The following ATAD3A variants were observed in gnomAD, a reference collection of about 807,000 sequenced individuals.
ATAD3A encodes the protein ATPase family AAA domain containing 3A.
In ATAD3A, 46 loss-of-function variants were observed where a neutral mutation model predicts 73.8. The observed-to-expected ratio is 0.62, with a 90% CI of 0.49 to 0.80. ATAD3A has a LOEUF of 0.80. Among genes scored for constraint, ATAD3A ranks in the 30% least tolerant of loss-of-function variants. The pLI is 0.00. For synonymous variants in ATAD3A, 319 were observed against 350.0 expected (o/e 0.91, Z 0.99); for missense variants, 705 against 838.0 (o/e 0.84, Z 1.96).
Position 1,520,618 on chromosome 1 carries a change from G to A in ATAD3A, c.750+1G>A. ...AGACTGGGACAAAGTGACAGCCACGGTAAACATACTCATAAAACAGGGCTG... is the reference window on the plus strand; with the variant it reads ...AGACTGGGACAAAGTGACAGCCACGATAAACATACTCATAAAACAGGGCTG... On this transcript the variant is annotated splice_donor_variant, in intron 7 of 15. Transcript: ENST00000378756. LOFTEE classifies it high-confidence loss of function. The surrounding 1 kb of genome is among the most constrained non-coding windows in gnomAD (Gnocchi z 4.0). 1 of 1,613,462 alleles carries A rather than the reference G, an allele frequency of 6.2e-7. No homozygotes were observed. Among genetic ancestry groups the A allele is most frequent in the Admixed American group, 1.7e-5 (1 of 60,026 alleles).
At chr1:1,515,317 T>TC (rs1641321225) in intron 1 of ATAD3A, among the ~76,000 whole-genome samples, 1 of 152,092 alleles carries the variant, frequency 6.6e-6, no homozygotes, top group Admixed American at 6.6e-5. Flanking sequence ...ACTCAAGTGA[T>TC]CCACCCGTCT....
intron 12 of ATAD3A, among the ~76,000 whole-genome samples, chr1:1,525,847 A>T (rs1263095693): frequency 6.6e-6 from 1 of 152,162 alleles, no homozygotes; most frequent in South Asian, 2.1e-4. Context: ...CTGGGACTGC[A>T]GGGGCACAGT....
At chr1:1,526,347 G>T (rs1410768705) in intron 12 of ATAD3A, 114 bp from the exon 13 acceptor site, 1 of 1,564,916 alleles carries the variant, frequency 6.4e-7, no homozygotes, top group Non-Finnish European at 8.7e-7. Context: ...GTAGATCCAT[G>T]AAAGTGTCGC....
At chr1:1,517,127 T>C in intron 2 of ATAD3A, 184 bp from the exon 3 acceptor site, 1 of 1,544,506 alleles carries the variant, frequency 6.5e-7, no homozygotes, top group Non-Finnish European at 8.7e-7. Context: ...CTTCTGTGCC[T>C]GTGGGTCTGG....
intron 7 of ATAD3A, among the ~76,000 whole-genome samples, chr1:1,521,695 A>T (rs1195368684): frequency 6.6e-6 from 1 of 152,302 alleles, no homozygotes; most frequent in Non-Finnish European, 1.5e-5. Context: ...TAATGCGCCG[A>T]TGACTTTTGT....
rs774007504 is a variant in ATAD3A at position 1,524,258 on chromosome 1, A to C, written c.1090-15A>C. ...GGGAACATCTGCTCTGTCTCCCCTCACTCTTCCTGTCCAGAAACTCGCCCT... is the reference window on the plus strand; with the variant it reads ...GGGAACATCTGCTCTGTCTCCCCTCCCTCTTCCTGTCCAGAAACTCGCCCT... On this transcript the variant is annotated splice_polypyrimidine_tract_variant and intron_variant, in intron 10 of 15. Transcript: ENST00000378756. 3 of 1,613,696 alleles carry C rather than the reference A, an allele frequency of 1.9e-6. No individual in the cohort carries two copies. Among genetic ancestry groups the C allele is most frequent in the Non-Finnish European group, 2.5e-6 (3 of 1,179,762 alleles).
chr1:1,528,586 C>T (rs976701109), intron 14 of ATAD3A, among the ~76,000 whole-genome samples: 8 of 152,356 alleles, frequency 5.3e-5, no homozygotes, highest in Non-Finnish European at 7.4e-5. Context: ...GCAGCAGGCA[C>T]GGTGGGCAGA....
intron 12 of ATAD3A, among the ~76,000 whole-genome samples, chr1:1,526,078 A>G (rs2100673828): frequency 6.7e-6 from 1 of 149,496 alleles, no homozygotes; most frequent in African/African-American, 2.5e-5. Context: ...GCTGGAGTGC[A>G]GCGGTGCAAT....
rs202121361 is a variant in ATAD3A at position 1,517,796 on chromosome 1, G to A, written c.444+21G>A. 5,138 of 948,376 alleles carry A rather than the reference G, an allele frequency of 5.4e-3. 106 individuals carry two copies. The African/African-American group carries it at 0.072, about 13-fold the overall frequency. The allele number at this position is 948,376 out of a possible 1,614,324, so 58.7% of individuals were successfully genotyped here. ...AGCAGGTGAGCTCAGCCTCCCCTGC[G>A]AGGCGCCTGCGTCCCTGAGAACGTA... is the stretch of plus-strand genomic sequence containing the variant. On this transcript the variant is annotated intron_variant, in intron 4 of 15. Coordinates refer to ENST00000378756, the MANE Select transcript of ATAD3A (RefSeq NM_001170535.3).
chr1:1,524,052 A>AT, intron 10 of ATAD3A, 88 bp downstream of exon 10: 1 of 1,605,650 alleles, frequency 6.2e-7, no homozygotes, highest in South Asian at 1.1e-5. Flanking sequence ...TGCCTGGGGA[A>AT]TGGACCCCCC....
rs1439148726 is a variant in ATAD3A at position 1,531,646 on chromosome 1, C to T, written c.1615-2280C>T. ...AAAAAAAATTAGCCAGATGTGGTGG[C>T]GGGTGCCTGTAGTCCCAGCTACTTG... On this transcript the variant is annotated intron_variant, in intron 15 of 15. Transcript: ENST00000378756. Among the ~76,000 whole-genome samples, 10 of 150,386 alleles carry T rather than the reference C, an allele frequency of 6.6e-5. No individual in the cohort carries two copies. The South Asian group carries it at 1.5e-3, about 22-fold the overall frequency.
chr1:1,531,011 C>A (rs577664810), intron 15 of ATAD3A, among the ~76,000 whole-genome samples: 1 of 151,928 alleles, frequency 6.6e-6, no homozygotes, highest in South Asian at 2.1e-4. Context: ...AAAAATTACC[C>A]CGGCACATTT....
In ATAD3A at chr1:1,523,928, C is replaced by T. The variant is rs147404570; in HGVS notation, c.1053C>T (p.Tyr351=). 5.4e-5 allele frequency: 87 copies of T among 1,613,782 alleles called. No individual in the cohort carries two copies. The highest frequency in any genetic ancestry group is 1.1e-4 in the East Asian group (5 of 44,884). Residue 351 remains tyrosine, a synonymous_variant, in exon 10 of 16, where the codon TAC becomes TAT. Transcript: ENST00000378756. This position sits in a 1 kb window ranked among gnomAD's most constrained non-coding sequence, Gnocchi z 5.1. ...GCCTGTACAGGAACATCCTGATGTACGGGCCACCAGGCACCGGGAAGACGC... is the reference window on the plus strand; with the variant it reads ...GCCTGTACAGGAACATCCTGATGTATGGGCCACCAGGCACCGGGAAGACGC... The part of the protein sequence containing the change: ...NRSLYRNILM[Y]GPPGTGKTLF...
At position 1,529,250 on chromosome 1, in the gene ATAD3A, C is replaced by T. The variant is rs374773488; in HGVS notation, c.1533C>T (p.Tyr511=). 9.9e-6 allele frequency: 16 copies of T among 1,609,176 alleles called. No homozygotes were observed. The highest frequency in any genetic ancestry group is 5.5e-5 in the South Asian group (5 of 90,096). ...GCCTGAAGCTGGCCCAGTTTGACTA[C>T]GGGAGGAAGTGCTCGGAGGTCGCTC... is the stretch of plus-strand genomic sequence containing the variant. ...KQRLKLAQFD[Y]GRKCSEVARL... The change falls in exon 15 of 16, where the codon TAC becomes TAT. Residue 511 remains tyrosine, a synonymous_variant. Transcript: ENST00000378756.
intron 1 of ATAD3A, among the ~76,000 whole-genome samples, chr1:1,513,918 C>T (rs542808545): frequency 3.9e-4 from 59 of 152,154 alleles, no homozygotes; most frequent in Non-Finnish European, 7.5e-4. Flanking sequence ...AGCCCCATGC[C>T]GCCTGGTTCC....
chr1:1,512,732 G>T, intron 1 of ATAD3A: 2 of 1,176,216 alleles, frequency 1.7e-6, no homozygotes, highest in Non-Finnish European at 2.2e-6. Context: ...AGGTTACAGG[G>T]GTCAGGGTCT....
At position 1,523,482 on chromosome 1, in the gene ATAD3A, C is replaced by T. The variant is rs372543633; in HGVS notation, c.907-29C>T. 7.8e-5 allele frequency: 126 copies of T among 1,606,412 alleles called. 1 individual carries two copies. Among genetic ancestry groups the T allele is most frequent in the Admixed American group, 4.2e-4 (25 of 59,502 alleles). On this transcript the variant is annotated intron_variant, in intron 8 of 15. Coordinates refer to ENST00000378756, the MANE Select transcript of ATAD3A (RefSeq NM_001170535.3). This position sits in a 1 kb window ranked among gnomAD's most constrained non-coding sequence, Gnocchi z 5.1. ...TGTTCCGTGGCTGTGGCAGGTGACCCGATGGCGCTTCCCCTTCCCCTCCGG... is the reference window on the plus strand; with the variant it reads ...TGTTCCGTGGCTGTGGCAGGTGACCTGATGGCGCTTCCCCTTCCCCTCCGG...
Position 1,520,199 on chromosome 1 carries a change from C to T in ATAD3A, c.573C>T (p.Ala191=), listed in dbSNP as rs192026897. The part of the protein sequence containing the change: ...RHKNEMLRVE[A]EARARAKAER... ...AGAATGAGATGCTGCGAGTGGAGGC[C>T]GAGGCCCGGGCGCGCGCCAAGGCCG... The change falls in exon 6 of 16, where the codon GCC becomes GCT. Residue 191 remains alanine (A), a synonymous_variant. Coordinates refer to ENST00000378756, the MANE Select transcript of ATAD3A (RefSeq NM_001170535.3). The surrounding 1 kb of genome is among the most constrained non-coding windows in gnomAD (Gnocchi z 4.0). The T allele has an allele frequency of 8.1e-5, 130 of 1,611,980 alleles. No homozygotes were observed. The highest frequency in any genetic ancestry group is 4.7e-4 in the East Asian group (21 of 44,870).
At position 1,529,460 on chromosome 1, in the gene ATAD3A, G is replaced by GTC. The variant is rs1322902648; in HGVS notation, c.1614+129_1614+130insTC. The GTC allele has an allele frequency of 8.9e-6, 13 of 1,461,182 alleles. No individual in the cohort carries two copies. In the East Asian group the frequency reaches 3.2e-4, roughly 36 times the overall value. The allele number at this position is 1,461,182 out of a possible 1,614,324, so 90.5% of individuals were successfully genotyped here. On this transcript the variant is annotated intron_variant, in intron 15 of 15. Transcript: ENST00000378756. ...TGTTGAGGGGTTTTCAGTGCACAGA[G>GTC]GTGACACAGGGCCCCCTGCCCCAGT...
Sources: allele counts gnomAD v4.1 joint callset (sites outside exome capture counted in the v4.1 genomes callset), GRCh38; gene constraint gnomAD v4.1.1; non-coding constraint Gnocchi (gnomAD v3.1); transcripts MANE v1.5; gene names NCBI Gene and HGNC (gene_info 2026-07-23, HGNC 2026-07-21).